Variants in FSTL4 observed in about 807,000 individuals in gnomAD.
FSTL4 encodes the protein follistatin like 4.
Under a neutral mutation model 78.2 loss-of-function variants are expected in FSTL4, and 28 were observed. The observed-to-expected ratio is 0.36, with a 90% CI of 0.27 to 0.49. The LOEUF (loss-of-function observed/expected upper bound fraction) is 0.49, where lower values mean the gene tolerates loss of function less well. Ranked by LOEUF, FSTL4 falls within the 20% of genes least tolerant of loss-of-function variation. The pLI is 0.98. For synonymous variants in FSTL4, 422 were observed against 440.5 expected, an observed-to-expected ratio of 0.96 and a Z score of 0.53; for missense variants, 922 against 1,084.9, an observed-to-expected ratio of 0.85 and a Z score of 2.11.
chr5:133,461,482 G>A (rs1391477895), intron 3 of FSTL4, among the ~76,000 whole-genome samples: 1 of 152,138 alleles, frequency 6.6e-6, no homozygotes, highest in African/African-American at 2.4e-5. Context: ...ACCAATGTTT[G>A]TTGCTGTAAA....
chr5:133,335,061 G>A (rs568873544), intron 4 of FSTL4, among the ~76,000 whole-genome samples: 4 of 152,336 alleles, frequency 2.6e-5, no homozygotes, highest in Admixed American at 1.3e-4. Context: ...CAAACACTGT[G>A]AGCAAGGCTC....
intron 3 of FSTL4, among the ~76,000 whole-genome samples, chr5:133,471,444 AT>A (rs1310908038): frequency 1.3e-5 from 2 of 152,088 alleles, no homozygotes; most frequent in African/African-American, 4.8e-5. Context: ...TTGGGAGGTG[AT>A]TAGGTCAGGA....
At chr5:133,523,074 C>A (rs139920550) in intron 3 of FSTL4, among the ~76,000 whole-genome samples, 1 of 146,940 alleles carries the variant, frequency 6.8e-6, no homozygotes. Flanking sequence ...AGGTAATTAA[C>A]GTAAAATGAG....
chr5:133,624,905 A>G, the FSTL4 span, among the ~76,000 whole-genome samples: 2 of 151,548 alleles, frequency 1.3e-5, no homozygotes, highest in Non-Finnish European at 3.0e-5. Context: ...ACATTTTACT[A>G]TGTTGAGTAT....
rs909305830 is a variant in FSTL4, at chr5:133,240,944, C to T, written c.895-7407G>A. Among the ~76,000 whole-genome samples, 3 of 152,226 alleles carry T rather than the reference C, an allele frequency of 2.0e-5. No individual in the cohort carries two copies. In the East Asian group the frequency reaches 5.8e-4, roughly 29 times the overall value. On this transcript the variant is annotated intron_variant, in intron 7 of 15. Transcript: ENST00000265342. ...GCCTCATAGGGGTCTCTTTATTTGC[C>T]TGGGGTCTTTGGGCCAGGTGGTACC...
chr5:133,831,863 A>G, the FSTL4 span, among the ~76,000 whole-genome samples: 150 of 152,238 alleles, frequency 9.9e-4, 3 homozygotes, highest in East Asian at 0.028. Context: ...GCTGGATGGG[A>G]TTCGCAAGCT....
chr5:133,521,893 T>G (rs1442515930), intron 3 of FSTL4, among the ~76,000 whole-genome samples: 1 of 152,170 alleles, frequency 6.6e-6, no homozygotes, highest in African/African-American at 2.4e-5. Flanking sequence ...ATCTCCTGCC[T>G]CCAGGTAGAT....
intron 3 of FSTL4, among the ~76,000 whole-genome samples, chr5:133,566,079 G>A (rs958499850): frequency 3.9e-5 from 6 of 152,256 alleles, no homozygotes; most frequent in South Asian, 4.2e-4. Flanking sequence ...AGAGGACATC[G>A]AGTCCGAAGC....
At chr5:133,638,972 T>A in the FSTL4 span, among the ~76,000 whole-genome samples, 1 of 152,170 alleles carries the variant, frequency 6.6e-6, no homozygotes, top group Non-Finnish European at 1.5e-5. Flanking sequence ...TATTATTTAT[T>A]TTATTTTTTA....
chr5:133,473,856 T>G (rs1561731369), intron 3 of FSTL4, among the ~76,000 whole-genome samples: 1 of 152,060 alleles, frequency 6.6e-6, no homozygotes, highest in Non-Finnish European at 1.5e-5. Flanking sequence ...AAAAGCTCCT[T>G]ATAAAACCAT....
chr5:133,704,256 A>C, the FSTL4 span, among the ~76,000 whole-genome samples: 3 of 152,332 alleles, frequency 2.0e-5, no homozygotes, highest in East Asian at 5.8e-4. Flanking sequence ...GTATTTGATT[A>C]TTTTGGCTAA....
the FSTL4 span, among the ~76,000 whole-genome samples, chr5:133,642,010 T>C: frequency 6.6e-6 from 1 of 152,064 alleles, no homozygotes; most frequent in Non-Finnish European, 1.5e-5. Flanking sequence ...GTTTGAGAAA[T>C]TAACTGTCTC....
intron 3 of FSTL4, among the ~76,000 whole-genome samples, chr5:133,512,893 C>A (rs950979595): frequency 7.9e-5 from 12 of 152,108 alleles, no homozygotes; most frequent in Admixed American, 2.0e-4. Context: ...TCTTGGCTCA[C>A]TGCAACCTCC....
chr5:133,281,898 C>T (rs1753017931), intron 6 of FSTL4, among the ~76,000 whole-genome samples: 1 of 152,102 alleles, frequency 6.6e-6, no homozygotes. Flanking sequence ...TGTTGACAAA[C>T]CTGGGTCTGA....
the FSTL4 span, among the ~76,000 whole-genome samples, chr5:133,732,105 T>G: frequency 3.1e-3 from 468 of 152,262 alleles, 7 homozygotes; most frequent in Admixed American, 0.017. Context: ...AGGACCCTGC[T>G]AAGGTCAATC....
At chr5:133,771,286 T>C in the FSTL4 span, among the ~76,000 whole-genome samples, 3 of 152,276 alleles carry the variant, frequency 2.0e-5, no homozygotes, top group South Asian at 2.1e-4. Flanking sequence ...AGGGGTTGCA[T>C]TGAGTCGGTG....
chr5:133,286,185 C>A (rs1753125160), intron 6 of FSTL4, among the ~76,000 whole-genome samples: 2 of 152,232 alleles, frequency 1.3e-5, no homozygotes, highest in East Asian at 1.9e-4. Context: ...GACTATGCAA[C>A]CTTGGGCAAA....
At chr5:133,637,218 C>T in the FSTL4 span, among the ~76,000 whole-genome samples, 42,722 of 151,586 alleles carry the variant, frequency 0.28, 6,310 homozygotes, top group Non-Finnish European at 0.32. Context: ...CTTCTCTCTT[C>T]TCTGTCTTGT....
the FSTL4 span, among the ~76,000 whole-genome samples, chr5:133,811,466 C>T: frequency 6.6e-6 from 1 of 152,202 alleles, no homozygotes; most frequent in Admixed American, 6.5e-5. Flanking sequence ...CCCTGGGACT[C>T]AGCCAGCAGG....
Sources: allele counts gnomAD v4.1 joint callset (sites outside exome capture counted in the v4.1 genomes callset), GRCh38; gene constraint gnomAD v4.1.1; transcripts MANE v1.5; gene names NCBI Gene and HGNC (gene_info 2026-07-23, HGNC 2026-07-21).